PCDHA4: variants seen among roughly 807,000 people sequenced by gnomAD.
The protein encoded by PCDHA4 is protocadherin alpha 4, also known as protocadherin alpha-4.
Under a neutral mutation model 61.4 loss-of-function variants are expected in PCDHA4, and 49 were observed. The observed-to-expected ratio is 0.80, with a 90% CI of 0.63 to 1.01. The LOEUF (loss-of-function observed/expected upper bound fraction) is 1.01, where lower values mean the gene tolerates loss of function less well. Among genes scored for constraint, PCDHA4 ranks in the 50% least tolerant of loss-of-function variants. PCDHA4 has a pLI of 0.00. For synonymous variants in PCDHA4, 590 were observed against 550.3 expected (o/e 1.07, Z -1.01); for missense variants, 1,254 against 1,235.8 (o/e 1.01, Z -0.22).
At chr5:140,872,023 C>G (rs1554166000) in intron 1 of PCDHA4, among the ~76,000 whole-genome samples, 1 of 152,226 alleles carries the variant, frequency 6.6e-6, no homozygotes, top group African/African-American at 2.4e-5. Flanking sequence ...TAGCCTGGAA[C>G]TGCTAAGCTC....
At chr5:140,882,950 C>G (rs1197710877) in intron 1 of PCDHA4, 1 of 1,614,098 alleles carries the variant, frequency 6.2e-7, no homozygotes, top group Non-Finnish European at 8.5e-7. Context: ...CACAGTTCAG[C>G]TGCTCATCAC....
intron 3 of PCDHA4, among the ~76,000 whole-genome samples, chr5:140,987,298 G>A (rs2097247103): frequency 6.6e-6 from 1 of 152,086 alleles, no homozygotes; most frequent in South Asian, 2.1e-4. Context: ...AGCCTTCTAT[G>A]TGATACCAAT....
intron 1 of PCDHA4, chr5:140,812,000 C>T (rs1554125866): frequency 2.1e-5 from 2 of 95,182 alleles, no homozygotes; most frequent in African/African-American, 1.1e-4. Flanking sequence ...TTTTTACTAC[C>T]ATTTTTTTGT....
rs2150162477 is a variant in PCDHA4, at chr5:140,829,090, T to C, written c.2385+19518T>C. On this transcript the variant is annotated intron_variant, in intron 1 of 3. Transcript: ENST00000530339. ...AAGGCCATCCTCCCATGGCGGGTCA[T>C]TGCACCGTTTTAGTGAGAATTTTGG... is the stretch of plus-strand genomic sequence containing the variant. The C allele has an allele frequency of 2.5e-6, 4 of 1,611,416 alleles. No homozygotes were observed. In the South Asian group the frequency reaches 4.4e-5, roughly 18 times the overall value.
At chr5:140,904,440 A>G (rs1455600144) in intron 1 of PCDHA4, among the ~76,000 whole-genome samples, 1 of 151,204 alleles carries the variant, frequency 6.6e-6, no homozygotes, top group Non-Finnish European at 1.5e-5. Flanking sequence ...TATGTATATT[A>G]CAATTTCTTT....
intron 1 of PCDHA4, among the ~76,000 whole-genome samples, chr5:140,941,215 C>CTTTCTTTCTTTCTTTCTT (rs2092888517): frequency 9.6e-6 from 1 of 104,510 alleles, no homozygotes; most frequent in East Asian, 2.4e-4. Flanking sequence ...TTCTTTCTTC[C>CTTTCTTTCTTTCTTTCTT]TTTCTTTCTT....
In PCDHA4 at chr5:140,853,829, C is replaced by T. The variant is rs782020407; in HGVS notation, c.2385+44257C>T. 4.9e-5 allele frequency: 48 copies of T among 986,432 alleles called. 3 individuals carry two copies. Among genetic ancestry groups the T allele is most frequent in the Non-Finnish European group, 5.4e-5 (44 of 818,590 alleles). The allele number at this position is 986,432 out of a possible 1,614,324, so 61.1% of individuals were successfully genotyped here. A position where few individuals can be genotyped will look rare whatever the true frequency, so the allele number is the denominator to read the frequency against. ...ACACCTGAGATGATTCTCATACAACCGAAATTTTAGATCCATAGCCCTATT... is the reference window on the plus strand; with the variant it reads ...ACACCTGAGATGATTCTCATACAACTGAAATTTTAGATCCATAGCCCTATT... On this transcript the variant is annotated intron_variant, in intron 1 of 3. Coordinates refer to ENST00000530339, the MANE Select transcript of PCDHA4 (RefSeq NM_018907.4).
intron 1 of PCDHA4, among the ~76,000 whole-genome samples, chr5:140,827,665 TA>T (rs1400072267): frequency 9.8e-5 from 15 of 152,360 alleles, no homozygotes; most frequent in African/African-American, 3.4e-4. Context: ...GCAGTTCCGT[TA>T]ACACTTAAAT....
chr5:140,975,127 T>C (rs1331047394), intron 1 of PCDHA4, among the ~76,000 whole-genome samples: 2 of 152,288 alleles, frequency 1.3e-5, no homozygotes, highest in East Asian at 1.9e-4. Flanking sequence ...CTACTTACTA[T>C]TGGCCTGGGG....
At chr5:140,876,671 C>A in intron 1 of PCDHA4, 1 of 1,614,212 alleles carries the variant, frequency 6.2e-7, no homozygotes, top group African/African-American at 1.3e-5. Flanking sequence ...CTGGTGTCCA[C>A]CTACAAGAAT....
intron 3 of PCDHA4, among the ~76,000 whole-genome samples, chr5:141,009,094 C>A (rs1350235475): frequency 6.6e-6 from 1 of 152,176 alleles, no homozygotes; most frequent in Non-Finnish European, 1.5e-5. Context: ...AAGAACCAAA[C>A]ATATGTTACT....
At chr5:140,831,917 A>C (rs73791796) in intron 1 of PCDHA4, among the ~76,000 whole-genome samples, 1 of 152,160 alleles carries the variant, frequency 6.6e-6, no homozygotes, top group South Asian at 2.1e-4. Flanking sequence ...TGCTTAAAAA[A>C]TTTGCTACTA....
At chr5:140,827,939 G>GA in intron 1 of PCDHA4, 7 of 1,144,254 alleles carry the variant, frequency 6.1e-6, no homozygotes, top group Non-Finnish European at 8.7e-6. Flanking sequence ...GTTATAGCTA[G>GA]CCAACATTCA....
rs782691695 is a variant in PCDHA4, at chr5:140,863,160, G to C, written c.2385+53588G>C. The C allele has an allele frequency of 6.2e-6, 4 of 647,644 alleles. No individual in the cohort carries two copies. The Admixed American group carries it at 7.5e-5, about 12-fold the overall frequency. 40.1% of individuals were successfully genotyped at this position (647,644 alleles called of 1,614,324 possible). A position where few individuals can be genotyped will look rare whatever the true frequency, so the allele number is the denominator to read the frequency against. ...TGGTGCTGGTGAAGGACCACTGCGA[G>C]CTGGCGCTGACTGCCACCGTCACCG... On this transcript the variant is annotated intron_variant, in intron 1 of 3. Transcript: ENST00000530339.
At chr5:140,870,992 T>C (rs782714479) in intron 1 of PCDHA4, 1 of 1,613,478 alleles carries the variant, frequency 6.2e-7, no homozygotes, top group South Asian at 1.1e-5. Context: ...ACGGGCGAGA[T>C]AAGCACAACG....
At chr5:140,884,179 G>A in intron 1 of PCDHA4, 3 of 1,613,460 alleles carry the variant, frequency 1.9e-6, no homozygotes, top group Non-Finnish European at 1.7e-6. Context: ...CGCGCCCTCT[G>A]GACGAGGTGG....
intron 1 of PCDHA4, among the ~76,000 whole-genome samples, chr5:140,874,171 G>C (rs2054750145): frequency 6.6e-6 from 1 of 152,080 alleles, no homozygotes; most frequent in Admixed American, 6.5e-5. Flanking sequence ...ACTCTTTCCT[G>C]GTGTTGTAAA....
chr5:140,912,235 C>G (rs562096532), intron 1 of PCDHA4, among the ~76,000 whole-genome samples: 2 of 151,858 alleles, frequency 1.3e-5, no homozygotes, highest in South Asian at 4.2e-4. Context: ...TCCACTGACT[C>G]AAATGTTAAT....
rs550197512 is a variant in PCDHA4, at chr5:140,883,885, C to G, written c.2385+74313C>G. On this transcript the variant is annotated intron_variant, in intron 1 of 3. Coordinates refer to ENST00000530339, the MANE Select transcript of PCDHA4 (RefSeq NM_018907.4). ...TGCAGTTCCAGGTGAGCGCGCGCGA[C>G]TCTGGCGTGCCGCCTCTGGGCAGCA... The G allele has an allele frequency of 6.1e-5, 99 of 1,613,382 alleles. No homozygotes were observed. Among genetic ancestry groups the G allele is most frequent in the East Asian group, 1.6e-4 (7 of 44,866 alleles).
Sources: gnomAD v4.1 joint callset for allele counts (sites outside exome capture counted in the v4.1 genomes callset) on GRCh38, gnomAD v4.1.1 for gene constraint, MANE v1.5 for transcripts, NCBI Gene and HGNC (gene_info 2026-07-23, HGNC 2026-07-21) for gene names.